The following LRRC4C variants were observed in gnomAD, a reference collection of about 807,000 sequenced individuals.
LRRC4C encodes the protein leucine-rich repeat-containing protein 4C.
LRRC4C carries 5 observed loss-of-function variants against 33.6 expected under a neutral mutation model. The ratio of observed to expected loss-of-function variants is 0.15; its 90% CI spans 0.08 to 0.31. LRRC4C has a LOEUF of 0.31. LRRC4C is among the 10% of genes least tolerant of loss of function. LRRC4C has a pLI of 1.00. For missense variants in LRRC4C, 560 were observed against 796.7 expected (o/e 0.70, Z 3.58); for synonymous variants, 329 against 302.0 (o/e 1.09, Z -0.93).
intron 4 of LRRC4C, among the ~76,000 whole-genome samples, chr11:40,297,339 G>A (rs1478485751): frequency 3.9e-5 from 6 of 152,024 alleles, no homozygotes; most frequent in Non-Finnish European, 2.9e-5. Flanking sequence ...CGGGATAATC[G>A]TATCAAGCTT....
chr11:41,313,238 T>C (rs912489926), intron 1 of LRRC4C, among the ~76,000 whole-genome samples: 3 of 152,212 alleles, frequency 2.0e-5, no homozygotes, highest in Non-Finnish European at 4.4e-5. Flanking sequence ...TTCCTCAACA[T>C]GTCAAGGCTG....
intron 3 of LRRC4C, among the ~76,000 whole-genome samples, chr11:40,515,311 G>A (rs981779599): frequency 7.9e-5 from 12 of 152,004 alleles, no homozygotes; most frequent in Middle Eastern, 3.4e-3. Context: ...CACATTTGTC[G>A]AAAGGAAACC....
intron 2 of LRRC4C, among the ~76,000 whole-genome samples, chr11:40,675,096 A>G (rs1430326100): frequency 6.6e-6 from 1 of 152,158 alleles, no homozygotes; most frequent in Admixed American, 6.6e-5. Flanking sequence ...TATTTCATTG[A>G]CAAGGTAGGT....
rs78228166 is a variant in LRRC4C at position 40,326,636 on chromosome 11, C to A, written c.-269-6915G>T. Among the ~76,000 whole-genome samples, 1,423 of 151,934 alleles carry A rather than the reference C, an allele frequency of 9.4e-3. 20 individuals carry two copies. Among genetic ancestry groups the A allele is most frequent in the African/African-American group, 0.032 (1,334 of 41,454 alleles). On this transcript the variant is annotated intron_variant, in intron 3 of 6. Coordinates refer to ENST00000528697, the MANE Select transcript of LRRC4C (RefSeq NM_001258419.2). ...CTTAGATCAGCTTGCAATACTTAAC[C>A]TGTCCAAGGACGAACAAAAAAACAT...
intron 3 of LRRC4C, among the ~76,000 whole-genome samples, chr11:40,398,404 C>G (rs1194764016): frequency 6.6e-6 from 1 of 151,906 alleles, no homozygotes; most frequent in African/African-American, 2.4e-5. Flanking sequence ...ACTATACCTG[C>G]CTGAGTTTCC....
intron 2 of LRRC4C, among the ~76,000 whole-genome samples, chr11:40,736,920 G>A (rs1216893357): frequency 6.8e-6 from 1 of 147,442 alleles, no homozygotes; most frequent in South Asian, 2.3e-4. Flanking sequence ...TTAGCATGTT[G>A]TAGATTCTGG....
chr11:40,975,247 T>A (rs1279124066), intron 1 of LRRC4C, among the ~76,000 whole-genome samples: 1 of 152,222 alleles, frequency 6.6e-6, no homozygotes, highest in Non-Finnish European at 1.5e-5. Flanking sequence ...AGTTTGTGAA[T>A]AAATATAACC....
chr11:40,409,050 C>G (rs2137618420), intron 3 of LRRC4C, among the ~76,000 whole-genome samples: 1 of 152,072 alleles, frequency 6.6e-6, no homozygotes, highest in Non-Finnish European at 1.5e-5. Context: ...GGCATAAAAA[C>G]AGACACACAG....
intron 1 of LRRC4C, among the ~76,000 whole-genome samples, chr11:41,418,999 G>A (rs1954784637): frequency 6.6e-6 from 1 of 151,896 alleles, no homozygotes; most frequent in South Asian, 2.1e-4. Context: ...AATATGCCCA[G>A]TGTTGTATCA....
chr11:40,117,871 A>G (rs1855546374), intron 6 of LRRC4C, among the ~76,000 whole-genome samples: 1 of 151,952 alleles, frequency 6.6e-6, no homozygotes, highest in South Asian at 2.1e-4. Context: ...TATATCACAT[A>G]GGGTTGTTGT....
At chr11:40,429,917 T>A (rs950298904) in intron 3 of LRRC4C, among the ~76,000 whole-genome samples, 3 of 152,160 alleles carry the variant, frequency 2.0e-5, no homozygotes, top group African/African-American at 7.2e-5. Flanking sequence ...ATACATGAAA[T>A]ATGACCTAAG....
At chr11:40,315,612 AAC>A (rs1369704575) in intron 4 of LRRC4C, among the ~76,000 whole-genome samples, 2 of 151,958 alleles carry the variant, frequency 1.3e-5, no homozygotes, top group African/African-American at 2.4e-5. Flanking sequence ...TAAACTATAT[AAC>A]ACAGTCTATT....
At chr11:41,304,800 CCCAT>C (rs750247684) in intron 1 of LRRC4C, among the ~76,000 whole-genome samples, 23 of 108,996 alleles carry the variant, frequency 2.1e-4, no homozygotes, top group Non-Finnish European at 3.1e-4. Context: ...GGCCAGCCGC[CCCAT>C]CCGGGAGGGA....
At chr11:41,057,201 C>A (rs939836586) in intron 1 of LRRC4C, among the ~76,000 whole-genome samples, 1 of 152,184 alleles carries the variant, frequency 6.6e-6, no homozygotes, top group Admixed American at 6.5e-5. Flanking sequence ...TATTTGTGCC[C>A]GCTCTAATCC....
At chr11:41,310,842 C>T (rs1383638766) in intron 1 of LRRC4C, among the ~76,000 whole-genome samples, 1 of 152,090 alleles carries the variant, frequency 6.6e-6, no homozygotes, top group East Asian at 1.9e-4. Flanking sequence ...TAAAATATAA[C>T]TTCGTATACT....
chr11:41,378,935 CT>C (rs1953042036), intron 1 of LRRC4C, among the ~76,000 whole-genome samples: 5 of 146,676 alleles, frequency 3.4e-5, no homozygotes, highest in Non-Finnish European at 3.0e-5. Context: ...TTTTTTTTGT[CT>C]GTTTTTTATT....
At chr11:40,679,190 A>G (rs1216415519) in intron 2 of LRRC4C, among the ~76,000 whole-genome samples, 2 of 152,134 alleles carry the variant, frequency 1.3e-5, no homozygotes, top group Non-Finnish European at 2.9e-5. Flanking sequence ...GAGAGAGATG[A>G]TTTAGGGTTT....
intron 2 of LRRC4C, among the ~76,000 whole-genome samples, chr11:40,662,079 C>A (rs924489708): frequency 2.0e-5 from 3 of 152,164 alleles, no homozygotes; most frequent in African/African-American, 7.2e-5. Context: ...GGCTCACATT[C>A]AAATGTCTGA....
intron 3 of LRRC4C, among the ~76,000 whole-genome samples, chr11:40,614,439 T>TTCTCTGGATTAAGCTTTGGCTTAAGA (rs1555118951): frequency 3.3e-5 from 5 of 151,342 alleles, no homozygotes; most frequent in African/African-American, 1.2e-4. Context: ...GAGTGGGTGT[T>TTCTCTGGATTAAGCTTTGGCTTAAGA]GAATGTTGTG....
Sources: gnomAD v4.1 joint callset for allele counts (sites outside exome capture counted in the v4.1 genomes callset) on GRCh38, gnomAD v4.1.1 for gene constraint, MANE v1.5 for transcripts, NCBI Gene and HGNC (gene_info 2026-07-23, HGNC 2026-07-21) for gene names.